PRUNE2: variants seen among roughly 807,000 people sequenced by gnomAD.
PRUNE2 encodes the protein prune homolog 2 with BCH domain, also known as protein prune homolog 2.
Under a neutral mutation model 252.0 loss-of-function variants are expected in PRUNE2, and 164 were observed. The observed-to-expected ratio is 0.65, with a 90% CI of 0.57 to 0.74. The LOEUF (loss-of-function observed/expected upper bound fraction) is 0.74. PRUNE2 is among the 30% of genes least tolerant of loss of function. The pLI is 0.00. For missense variants in PRUNE2, 3,495 were observed against 3,711.0 expected (o/e 0.94, Z 1.51); for synonymous variants, 1,292 against 1,350.2 (o/e 0.96, Z 0.94).
intron 12 of PRUNE2, chr9:76,644,502 G>T: frequency 1.6e-6 from 1 of 616,960 alleles, no homozygotes; most frequent in South Asian, 1.6e-5. Context: ...ATCGCTATCA[G>T]ATATGTAGCA....
intron 4 of PRUNE2, among the ~76,000 whole-genome samples, chr9:76,828,899 C>T (rs1222390977): frequency 4.6e-5 from 7 of 151,674 alleles, no homozygotes; most frequent in Non-Finnish European, 7.4e-5. Context: ...TGCCTGTAAT[C>T]CCAGCTACTC....
At chr9:76,794,432 C>A in intron 6 of PRUNE2, among the ~76,000 whole-genome samples, 1 of 151,938 alleles carries the variant, frequency 6.6e-6, no homozygotes, top group East Asian at 1.9e-4. Context: ...CTGGCCAACA[C>A]AGTGAAACCC....
intron 4 of PRUNE2, among the ~76,000 whole-genome samples, chr9:76,828,694 A>T (rs1247146375): frequency 6.6e-6 from 1 of 152,192 alleles, no homozygotes; most frequent in African/African-American, 2.4e-5. Flanking sequence ...TGGTCTGTCA[A>T]TCTCTGACAT....
At chr9:76,638,861 C>T (rs1351786514) in intron 12 of PRUNE2, among the ~76,000 whole-genome samples, 3 of 152,166 alleles carry the variant, frequency 2.0e-5, no homozygotes, top group African/African-American at 7.2e-5. Context: ...ATTTTGATTT[C>T]GAGGCCTGCA....
chr9:76,612,398 G>A lies in PRUNE2; in HGVS notation c.*2172C>T, dbSNP rs1827717572. 6.6e-6 allele frequency: 1 copy of A among 152,180 alleles called. No individual in the cohort carries two copies. Among genetic ancestry groups the A allele is most frequent in the African/African-American group, 2.4e-5 (1 of 41,442 alleles). 9.4% of individuals were successfully genotyped at this position (152,180 alleles called of 1,614,324 possible). A position where few individuals can be genotyped will look rare whatever the true frequency, so the allele number is the denominator to read the frequency against. On this transcript the variant is annotated 3_prime_UTR_variant, in exon 19 of 19. Transcript: ENST00000376718. ...GCCCTCAGGTTTGCACCACTACACTGAACACTGGATTTTTCATTACTTCCT... is the reference window on the plus strand; with the variant it reads ...GCCCTCAGGTTTGCACCACTACACTAAACACTGGATTTTTCATTACTTCCT...
At chr9:76,841,809 T>C (rs560893468) in intron 4 of PRUNE2, among the ~76,000 whole-genome samples, 20 of 152,248 alleles carry the variant, frequency 1.3e-4, no homozygotes, top group African/African-American at 4.3e-4. Flanking sequence ...CAGGGGCTTA[T>C]AGATAAAATT....
intron 1 of PRUNE2, among the ~76,000 whole-genome samples, chr9:76,861,656 C>A (rs1203198953): frequency 6.6e-6 from 1 of 152,172 alleles, no homozygotes; most frequent in African/African-American, 2.4e-5. Context: ...AGCCTGTTTG[C>A]TGCCCATCTT....
chr9:76,732,992 C>T (rs2048762577), intron 6 of PRUNE2, among the ~76,000 whole-genome samples: 1 of 152,224 alleles, frequency 6.6e-6, no homozygotes, highest in Non-Finnish European at 1.5e-5. Flanking sequence ...ATCTGCTTCT[C>T]GTCTCCATTG....
intron 1 of PRUNE2, among the ~76,000 whole-genome samples, chr9:76,871,562 T>C (rs2061200371): frequency 6.6e-6 from 1 of 152,236 alleles, no homozygotes; most frequent in Non-Finnish European, 1.5e-5. Context: ...CTCTATCTGC[T>C]AGCCATTTTA....
intron 6 of PRUNE2, among the ~76,000 whole-genome samples, chr9:76,819,119 G>A (rs2057878176): frequency 6.6e-6 from 1 of 152,194 alleles, no homozygotes; most frequent in African/African-American, 2.4e-5. Context: ...GGTGTGGTGT[G>A]CACACCTGTA....
chr9:76,627,916 C>CTA (rs1209422360), intron 16 of PRUNE2: 1 of 357,502 alleles, frequency 2.8e-6, no homozygotes, highest in South Asian at 2.1e-5. Flanking sequence ...CATAGACACA[C>CTA]ATTACATGAG....
chr9:76,710,921 G>A lies in PRUNE2; in HGVS notation c.1353C>T (p.Pro451=), dbSNP rs775314412. Residue 451 remains proline (P), a synonymous_variant, in exon 8 of 19, where the codon CCC becomes CCT. Transcript: ENST00000376718. ...ESSVFLSDDS[P]VGEGAGPHHT... The stretch of plus-strand genomic sequence containing the variant: ...GGTGAGGCCCAGCACCTTCTCCCAC[G>A]GGGCTGTCGTCACTGAGGAAAACAG... 26 of 1,562,500 alleles carry A rather than the reference G, an allele frequency of 1.7e-5. No homozygotes were observed. The highest frequency in any genetic ancestry group is 6.7e-5 in the East Asian group (3 of 44,472).
chr9:76,827,774 A>G lies in PRUNE2; in HGVS notation c.509-1042T>C, dbSNP rs374769060. Among the ~76,000 whole-genome samples, 30 of 152,340 alleles carry G rather than the reference A, an allele frequency of 2.0e-4. No homozygotes were observed. The East Asian group carries it at 5.4e-3, about 27-fold the overall frequency. On this transcript the variant is annotated intron_variant, in intron 4 of 18. Transcript: ENST00000376718. ...CTACATTTACCATCAAACATGCTGGAAAGTCCCAAGCAAGTCGTCTGGCCT... is the reference window on the plus strand; with the variant it reads ...CTACATTTACCATCAAACATGCTGGGAAGTCCCAAGCAAGTCGTCTGGCCT...
At chr9:76,786,385 G>A (rs1456328251) in intron 6 of PRUNE2, 2 of 152,410 alleles carry the variant, frequency 1.3e-5, no homozygotes, top group African/African-American at 4.8e-5. Flanking sequence ...ACTCTGAGCT[G>A]TCATCGTCCC....
chr9:76,664,275 TC>T (rs2039702705), intron 9 of PRUNE2, among the ~76,000 whole-genome samples: 1 of 151,952 alleles, frequency 6.6e-6, no homozygotes, highest in Non-Finnish European at 1.5e-5. Context: ...CTGTGGAGAG[TC>T]CATGTGGCAA....
chr9:76,865,851 G>C (rs958862113), intron 1 of PRUNE2, among the ~76,000 whole-genome samples: 36 of 128,114 alleles, frequency 2.8e-4, no homozygotes, highest in Non-Finnish European at 5.0e-5. Flanking sequence ...ACACACACCA[G>C]AGCATTATGA....
intron 6 of PRUNE2, among the ~76,000 whole-genome samples, chr9:76,771,408 T>C (rs2053087900): frequency 6.6e-6 from 1 of 152,208 alleles, no homozygotes; most frequent in Non-Finnish European, 1.5e-5. Flanking sequence ...TAATAAGTCC[T>C]ACTATATGCT....
chr9:76,623,444 AC>A (rs1225863275), intron 17 of PRUNE2, among the ~76,000 whole-genome samples: 7 of 151,948 alleles, frequency 4.6e-5, no homozygotes, highest in East Asian at 3.9e-4. Context: ...ATAGGCGTGC[AC>A]CACCATGCCC....
intron 7 of PRUNE2, among the ~76,000 whole-genome samples, chr9:76,712,631 A>G (rs2135052332): frequency 6.6e-6 from 1 of 152,338 alleles, no homozygotes; most frequent in South Asian, 2.1e-4. Context: ...AAGTGATGTG[A>G]AAGCCGCCAT....
Sources: gnomAD v4.1 joint callset for allele counts (sites outside exome capture counted in the v4.1 genomes callset) on GRCh38, gnomAD v4.1.1 for gene constraint, MANE v1.5 for transcripts, NCBI Gene and HGNC (gene_info 2026-07-23, HGNC 2026-07-21) for gene names.